Variants in USP43 observed in about 807,000 individuals in gnomAD.
The protein encoded by USP43 is ubiquitin carboxyl-terminal hydrolase 43.
Under a neutral mutation model 90.7 loss-of-function variants are expected in USP43, and 33 were observed. The observed-to-expected ratio is 0.36, with a 90% CI of 0.28 to 0.49. The LOEUF (loss-of-function observed/expected upper bound fraction) is 0.49. Among genes scored for constraint, USP43 ranks in the 20% least tolerant of loss-of-function variants. USP43 has a pLI of 0.98. For synonymous variants in USP43, 598 were observed against 615.8 expected, an observed-to-expected ratio of 0.97 and a Z score of 0.43; for missense variants, 1,274 against 1,476.4, an observed-to-expected ratio of 0.86 and a Z score of 2.25.
chr17:9,680,080 G>T, intron 5 of USP43, 151 bp from the exon 6 acceptor site: 7 of 519,904 alleles, frequency 1.3e-5, no homozygotes, highest in East Asian at 3.4e-5. Flanking sequence ...TCTAATGGTT[G>T]TATCTACTAT....
In USP43 at chr17:9,701,478, G is replaced by A. The variant is rs1333072106; in HGVS notation, c.1789G>A (p.Glu597Lys). 11 of 1,580,866 alleles carry A rather than the reference G, an allele frequency of 7.0e-6. No homozygotes were observed. The highest frequency in any genetic ancestry group is 2.3e-5 in the East Asian group (1 of 43,132). ...IHLKRFCQVGERRNKLSTLVK... is the reference protein window; with the variant it reads ...IHLKRFCQVGKRRNKLSTLVK... ...CCTCAAAAGGTTCTGCCAGGTGGGC[G>A]AGAGAAGAAACAAGCTCTCCACGCT... Residue 597 changes from glutamate (E) to lysine (K), a missense_variant, in exon 12 of 15, where the codon GAG becomes AAG. Around this residue, in one of 6 missense-constraint regions of USP43, gnomAD observed 285 missense variants for 349.6 expected, o/e 0.82. Transcript: ENST00000285199. The surrounding 1 kb of genome is among the most constrained non-coding windows in gnomAD (Gnocchi z 7.2).
chr17:9,711,723 G>T (rs1352655069), intron 13 of USP43, among the ~76,000 whole-genome samples: 1 of 152,150 alleles, frequency 6.6e-6, no homozygotes, highest in Non-Finnish European at 1.5e-5. Context: ...GAGCCACCGC[G>T]CCCAGCCCAT....
chr17:9,647,085 A>AG (rs1159660730), intron 1 of USP43: 1 of 150,506 alleles, frequency 6.6e-6, no homozygotes, highest in African/African-American at 2.5e-5. Context: ...AAAAAAAGAA[A>AG]AAAAAGAAAA....
intron 14 of USP43, among the ~76,000 whole-genome samples, chr17:9,715,695 GTGTC>G (rs1916485968): frequency 8.5e-6 from 1 of 118,000 alleles, no homozygotes; most frequent in Admixed American, 7.8e-5. Flanking sequence ...GTATGTGTGT[GTGTC>G]TGTGTGTGTC....
At chr17:9,694,364 G>C (rs571656271) in intron 9 of USP43, among the ~76,000 whole-genome samples, 1 of 152,256 alleles carries the variant, frequency 6.6e-6, no homozygotes, top group East Asian at 1.9e-4. Context: ...GGGCCTGTTT[G>C]GGTCTCCCAG....
intron 10 of USP43, 129 bp from the exon 11 acceptor site, chr17:9,700,990 C>T (rs1915530503): frequency 3.3e-6 from 4 of 1,198,284 alleles, no homozygotes; most frequent in African/African-American, 1.5e-5. Flanking sequence ...TCTCCAGGAA[C>T]CCATAGGCAG....
intron 14 of USP43, among the ~76,000 whole-genome samples, chr17:9,718,360 G>A (rs1345406765): frequency 6.6e-6 from 1 of 152,184 alleles, no homozygotes; most frequent in Non-Finnish European, 1.5e-5. Flanking sequence ...GAATAGAGAT[G>A]ATGATAGGAT....
chr17:9,715,153 G>T (rs1307861188), intron 14 of USP43, among the ~76,000 whole-genome samples: 3 of 152,186 alleles, frequency 2.0e-5, no homozygotes, highest in Non-Finnish European at 2.9e-5. Context: ...GAACAAGGGG[G>T]TAACCACAGA....
rs530522133 is a variant in USP43, at chr17:9,663,950, A to C, written c.637-2698A>C. Among the ~76,000 whole-genome samples the C allele has an allele frequency of 5.9e-5, 9 of 152,292 alleles. No individual in the cohort carries two copies. The South Asian group carries it at 1.9e-3, about 32-fold the overall frequency. On this transcript the variant is annotated intron_variant, in intron 2 of 14. Coordinates refer to ENST00000285199, the MANE Select transcript of USP43 (RefSeq NM_153210.5). The stretch of plus-strand genomic sequence containing the variant: ...TGGTTTGGACATTCTTGACCCTGGT[A>C]CCATGCTGTTCACTGAGCCAGGTAG...
chr17:9,676,722 G>A, intron 4 of USP43, 24 bp from the exon 5 acceptor site: 2 of 1,609,304 alleles, frequency 1.2e-6, no homozygotes, highest in Admixed American at 1.7e-5. Flanking sequence ...TCCTTTAAGG[G>A]TGTTGCCCCT....
At chr17:9,703,223 G>A (rs374728637) in intron 12 of USP43, among the ~76,000 whole-genome samples, 12 of 150,978 alleles carry the variant, frequency 7.9e-5, no homozygotes, top group Non-Finnish European at 1.6e-4. Flanking sequence ...ATGAGTCCCC[G>A]TGCACACATG....
chr17:9,672,845 G>T (rs1213387605), intron 3 of USP43, among the ~76,000 whole-genome samples: 1 of 152,140 alleles, frequency 6.6e-6, no homozygotes, highest in Non-Finnish European at 1.5e-5. Context: ...ACTTAAATGG[G>T]CAGATCACCC....
intron 2 of USP43, among the ~76,000 whole-genome samples, chr17:9,658,654 A>G (rs1454070941): frequency 6.6e-6 from 1 of 152,176 alleles, no homozygotes; most frequent in Non-Finnish European, 1.5e-5. Context: ...TTTACTTACC[A>G]TGATTTCCTG....
intron 14 of USP43, among the ~76,000 whole-genome samples, chr17:9,726,361 T>C (rs1917272199): frequency 6.6e-6 from 1 of 152,158 alleles, no homozygotes; most frequent in Non-Finnish European, 1.5e-5. Context: ...TTCTGCTCCC[T>C]TTTGGAGCTT....
intron 2 of USP43, among the ~76,000 whole-genome samples, chr17:9,661,156 A>G (rs1597820902): frequency 6.6e-6 from 1 of 152,172 alleles, no homozygotes; most frequent in East Asian, 1.9e-4. Flanking sequence ...TTCATCCTGC[A>G]AAGAGGGCAC....
chr17:9,680,432 T>C, intron 6 of USP43, 66 bp downstream of exon 6: 1 of 1,581,270 alleles, frequency 6.3e-7, no homozygotes, highest in Non-Finnish European at 8.6e-7. Flanking sequence ...AGGATACTCC[T>C]TGGGTGCAAA....
chr17:9,692,740 G>A (rs969751547), intron 8 of USP43, among the ~76,000 whole-genome samples: 2 of 152,134 alleles, frequency 1.3e-5, no homozygotes, highest in African/African-American at 4.8e-5. Context: ...TTAGAAAATT[G>A]CCTCATTGTG....
At chr17:9,697,751 G>A (rs1180434355) in intron 9 of USP43, among the ~76,000 whole-genome samples, 1 of 150,458 alleles carries the variant, frequency 6.6e-6, no homozygotes, top group Non-Finnish European at 1.5e-5. Flanking sequence ...ATGGATACCC[G>A]GGTTGACTCC....
chr17:9,689,570 C>G (rs1297649889), intron 8 of USP43, among the ~76,000 whole-genome samples: 4 of 151,958 alleles, frequency 2.6e-5, no homozygotes, highest in Non-Finnish European at 5.9e-5. Flanking sequence ...TGCCATCATG[C>G]CTGGTTAATT....
Sources: gnomAD v4.1 joint callset for allele counts (sites outside exome capture counted in the v4.1 genomes callset) on GRCh38, gnomAD v4.1.1 for gene constraint, gnomAD v4.1.1 regional missense constraint, Gnocchi (gnomAD v3.1) non-coding constraint, MANE v1.5 for transcripts, NCBI Gene and HGNC (gene_info 2026-07-23, HGNC 2026-07-21) for gene names.